Variants in SUGCT observed in about 807,000 individuals in gnomAD.
The protein encoded by SUGCT is succinyl-CoA:glutarate-CoA transferase.
In SUGCT, 41 loss-of-function variants were observed where a neutral mutation model predicts 55.0. The ratio of observed to expected loss-of-function variants is 0.74; its 90% CI spans 0.58 to 0.97. The LOEUF (loss-of-function observed/expected upper bound fraction) is 0.97, where lower values mean the gene tolerates loss of function less well. Ranked by LOEUF, SUGCT falls within the 50% of genes least tolerant of loss-of-function variation. SUGCT has a pLI of 0.00. For synonymous variants in SUGCT, 187 were observed against 200.4 expected (o/e 0.93, Z 0.56); for missense variants, 568 against 547.8 (o/e 1.04, Z -0.37).
chr7:40,782,372 C>A (rs1789797325), intron 13 of SUGCT, among the ~76,000 whole-genome samples: 1 of 151,762 alleles, frequency 6.6e-6, no homozygotes, highest in Non-Finnish European at 1.5e-5. Context: ...AGTAGTTTTC[C>A]TTTGTTTTCT....
intron 9 of SUGCT, among the ~76,000 whole-genome samples, chr7:40,342,419 A>T (rs73688046): frequency 0.015 from 2,311 of 152,216 alleles, 49 homozygotes; most frequent in South Asian, 0.06. Context: ...CAACCATAAT[A>T]TTTCCTCCAG....
At chr7:40,232,187 G>T (rs1407389824) in intron 6 of SUGCT, among the ~76,000 whole-genome samples, 1 of 152,218 alleles carries the variant, frequency 6.6e-6, no homozygotes, top group Non-Finnish European at 1.5e-5. Flanking sequence ...GAATAGTCTA[G>T]ATGAGAGATA....
intron 12 of SUGCT, among the ~76,000 whole-genome samples, chr7:40,502,113 C>T (rs1792311368): frequency 6.6e-6 from 1 of 151,908 alleles, no homozygotes; most frequent in African/African-American, 2.4e-5. Flanking sequence ...ATTTTGATGT[C>T]TTATAACATT....
the SUGCT span, among the ~76,000 whole-genome samples, chr7:40,930,768 TTTTGTATCCTGAGAC>T: frequency 5.6e-3 from 860 of 152,304 alleles, 4 homozygotes; most frequent in African/African-American, 0.02. Context: ...TGCACATTGA[TTTTGTATCCTGAGAC>T]TTTGCTGAAG....
chr7:40,175,429 A>G (rs1264174913), intron 1 of SUGCT, among the ~76,000 whole-genome samples: 4 of 152,186 alleles, frequency 2.6e-5, no homozygotes, highest in Non-Finnish European at 5.9e-5. Context: ...CATGCTGGCC[A>G]GGCTGGTCTC....
At chr7:40,732,937 T>C (rs1584354895) in intron 12 of SUGCT, among the ~76,000 whole-genome samples, 3 of 149,956 alleles carry the variant, frequency 2.0e-5, no homozygotes, top group Admixed American at 2.0e-4. Flanking sequence ...TAAAAATACA[T>C]AGTGGCGCAT....
At chr7:40,923,871 C>T in the SUGCT span, among the ~76,000 whole-genome samples, 1 of 152,248 alleles carries the variant, frequency 6.6e-6, no homozygotes, top group East Asian at 1.9e-4. Context: ...CATTTCCCTG[C>T]TGATGATAAA....
At chr7:40,901,277 A>G in the SUGCT span, among the ~76,000 whole-genome samples, 1 of 152,202 alleles carries the variant, frequency 6.6e-6, no homozygotes, top group Non-Finnish European at 1.5e-5. Flanking sequence ...AGCGAAGAAA[A>G]CAATGACTCT....
At chr7:40,777,850 A>G (rs1341849514) in intron 13 of SUGCT, among the ~76,000 whole-genome samples, 1 of 152,194 alleles carries the variant, frequency 6.6e-6, no homozygotes, top group Non-Finnish European at 1.5e-5. Flanking sequence ...CAGCAAGGGC[A>G]GGGGCTGCAC....
At chr7:40,783,228 G>A (rs1372665135) in intron 13 of SUGCT, among the ~76,000 whole-genome samples, 3 of 152,044 alleles carry the variant, frequency 2.0e-5, no homozygotes, top group South Asian at 2.1e-4. Context: ...AGAGGACATC[G>A]GACTACTTTT....
intron 6 of SUGCT, among the ~76,000 whole-genome samples, chr7:40,217,163 CT>C (rs1478137355): frequency 1.3e-5 from 2 of 152,156 alleles, no homozygotes; most frequent in African/African-American, 4.8e-5. Context: ...GATGTTTACC[CT>C]TCTCCGTTGC....
intron 12 of SUGCT, among the ~76,000 whole-genome samples, chr7:40,549,795 C>T (rs1436637355): frequency 6.6e-6 from 1 of 151,962 alleles, no homozygotes; most frequent in Non-Finnish European, 1.5e-5. Context: ...GTTGAAGAGT[C>T]TTGTGTAGCA....
At chr7:40,731,332 A>G (rs1351941224) in intron 12 of SUGCT, among the ~76,000 whole-genome samples, 1 of 152,338 alleles carries the variant, frequency 6.6e-6, no homozygotes, top group African/African-American at 2.4e-5. Flanking sequence ...TCATCTGATT[A>G]GTGGCAGAAC....
the SUGCT span, among the ~76,000 whole-genome samples, chr7:40,932,668 C>G: frequency 6.6e-6 from 1 of 152,020 alleles, no homozygotes; most frequent in Non-Finnish European, 1.5e-5. Flanking sequence ...GATCCCTTTA[C>G]CATTATGTAA....
intron 12 of SUGCT, among the ~76,000 whole-genome samples, chr7:40,548,495 A>G (rs1445900794): frequency 6.6e-6 from 1 of 151,884 alleles, no homozygotes; most frequent in Non-Finnish European, 1.5e-5. Context: ...ATGGCACCCA[A>G]CTTTTTCTTT....
intron 12 of SUGCT, among the ~76,000 whole-genome samples, chr7:40,597,472 G>A (rs995370393): frequency 1.1e-4 from 16 of 152,144 alleles, no homozygotes; most frequent in Admixed American, 2.6e-4. Context: ...GTACAAATAA[G>A]GTCATGTGGT....
At chr7:40,463,776 TC>T (rs1789947558) in intron 11 of SUGCT, among the ~76,000 whole-genome samples, 1 of 152,194 alleles carries the variant, frequency 6.6e-6, no homozygotes, top group African/African-American at 2.4e-5. Flanking sequence ...TAGAAGACTT[TC>T]CCCTGGAGTT....
At chr7:40,303,291 C>T (rs1212572830) in intron 8 of SUGCT, among the ~76,000 whole-genome samples, 3 of 152,146 alleles carry the variant, frequency 2.0e-5, no homozygotes, top group African/African-American at 7.2e-5. Flanking sequence ...GCCTCGGCCT[C>T]CCAAAGTGCT....
intron 7 of SUGCT, among the ~76,000 whole-genome samples, chr7:40,242,930 T>A (rs1174352855): frequency 2.8e-5 from 1 of 36,214 alleles, no homozygotes; most frequent in African/African-American, 1.0e-4. Flanking sequence ...TATATATATA[T>A]ATATTTTTTT....
Sources: gnomAD v4.1 joint callset for allele counts (sites outside exome capture counted in the v4.1 genomes callset) on GRCh38, gnomAD v4.1.1 for gene constraint, MANE v1.5 for transcripts, NCBI Gene and HGNC (gene_info 2026-07-23, HGNC 2026-07-21) for gene names.